Variants in CCDC60 observed in about 807,000 individuals in gnomAD.
CCDC60 encodes the protein coiled-coil domain containing 60, also known as coiled-coil domain-containing protein 60.
CCDC60 carries 54 observed loss-of-function variants against 63.5 expected under a neutral mutation model. The ratio of observed to expected loss-of-function variants is 0.85; its 90% CI spans 0.68 to 1.07. The LOEUF is 1.07. Ranked by LOEUF, CCDC60 falls within the 50% of genes least tolerant of loss-of-function variation. The probability of loss-of-function intolerance (pLI) is 0.00; values close to 1 mark genes in which losing one functional copy is unlikely to be tolerated. For missense variants in CCDC60, 651 were observed against 684.3 expected, an observed-to-expected ratio of 0.95 and a Z score of 0.54; for synonymous variants, 206 against 238.8, an observed-to-expected ratio of 0.86 and a Z score of 1.27.
intron 2 of CCDC60, among the ~76,000 whole-genome samples, chr12:119,467,995 C>A (rs1453498931): frequency 6.6e-6 from 1 of 152,038 alleles, no homozygotes; most frequent in African/African-American, 2.4e-5. Flanking sequence ...AGCCAGGCAG[C>A]CAGGCACGGT....
At chr12:119,466,661 C>T (rs537145888) in intron 2 of CCDC60, among the ~76,000 whole-genome samples, 18 of 152,320 alleles carry the variant, frequency 1.2e-4, no homozygotes, top group African/African-American at 4.3e-4. Flanking sequence ...AATGTGGAAC[C>T]ACTACCTCAC....
intron 3 of CCDC60, among the ~76,000 whole-genome samples, chr12:119,478,506 C>T (rs541315423): frequency 6.6e-6 from 1 of 151,750 alleles, no homozygotes; most frequent in African/African-American, 2.4e-5. Context: ...TTGAAGCAAA[C>T]ATTTCCAACC....
intron 2 of CCDC60, among the ~76,000 whole-genome samples, chr12:119,449,980 T>C (rs1215696215): frequency 6.6e-6 from 1 of 152,192 alleles, no homozygotes; most frequent in East Asian, 1.9e-4. Flanking sequence ...CCTTCACTCA[T>C]ATGTTTATTG....
intron 1 of CCDC60, among the ~76,000 whole-genome samples, chr12:119,402,676 G>T (rs756403248): frequency 3.3e-5 from 5 of 152,172 alleles, no homozygotes; most frequent in Non-Finnish European, 5.9e-5. Context: ...GTAGGTAAAT[G>T]GCAGCTGTTT....
At chr12:119,458,435 T>G (rs1950788504) in intron 2 of CCDC60, among the ~76,000 whole-genome samples, 1 of 152,164 alleles carries the variant, frequency 6.6e-6, no homozygotes, top group Admixed American at 6.5e-5. Flanking sequence ...ATTTTTATTT[T>G]TATTTTTTTT....
intron 1 of CCDC60, among the ~76,000 whole-genome samples, chr12:119,366,644 C>T (rs1955843200): frequency 6.6e-6 from 1 of 152,116 alleles, no homozygotes; most frequent in Non-Finnish European, 1.5e-5. Context: ...TCTTAACATG[C>T]TTAGATGGCA....
intron 1 of CCDC60, among the ~76,000 whole-genome samples, chr12:119,343,660 C>CTATATATATATATA (rs60934414): frequency 1.4e-5 from 2 of 141,118 alleles, no homozygotes; most frequent in Admixed American, 7.1e-5. Flanking sequence ...GAAAGGCAAA[C>CTATATATATATATA]TATATATATA....
intron 1 of CCDC60, among the ~76,000 whole-genome samples, chr12:119,413,110 A>C (rs1452573367): frequency 1.3e-5 from 2 of 152,194 alleles, no homozygotes; most frequent in Non-Finnish European, 2.9e-5. Context: ...ATTAGCTCCC[A>C]GGGTCTGACA....
chr12:119,515,068 T>C (rs1007256236), intron 7 of CCDC60, among the ~76,000 whole-genome samples: 20 of 152,178 alleles, frequency 1.3e-4, no homozygotes, highest in African/African-American at 4.6e-4. Flanking sequence ...AGCTATGCCA[T>C]CTAGGTTTGT....
chr12:119,479,272 C>A, intron 4 of CCDC60, 71 bp downstream of exon 4: 1 of 1,062,890 alleles, frequency 9.4e-7, no homozygotes, highest in Non-Finnish European at 1.4e-6. Context: ...AATGACTCAA[C>A]GAGCTGTCAT....
chr12:119,482,145 C>T (rs531974514), intron 4 of CCDC60, among the ~76,000 whole-genome samples: 317 of 139,446 alleles, frequency 2.3e-3, no homozygotes, highest in African/African-American at 7.3e-3. Flanking sequence ...CATATATATA[C>T]ACACACACAC....
In CCDC60 at chr12:119,519,453, A is replaced by G. The variant is rs28576109; in HGVS notation, c.969-668A>G. ...TGTGTGTGCGCGTGTGTGTGTGTGTATATATATATATATATTTTTTTTTTT... is the reference window on the plus strand; with the variant it reads ...TGTGTGTGCGCGTGTGTGTGTGTGTGTATATATATATATATTTTTTTTTTT... On this transcript the variant is annotated intron_variant, in intron 8 of 13. Transcript: ENST00000327554. Among the ~76,000 whole-genome samples the G allele has an allele frequency of 4.1e-4, 48 of 117,712 alleles. 2 individuals carry two copies. Among genetic ancestry groups the G allele is most frequent in the Admixed American group, 8.2e-4 (10 of 12,154 alleles). The allele number at this position is 117,712 out of a possible 152,430, so 77.2% of individuals were successfully genotyped here.
chr12:119,476,889 T>A (rs1182325175), intron 3 of CCDC60, among the ~76,000 whole-genome samples: 1 of 152,234 alleles, frequency 6.6e-6, no homozygotes, highest in Non-Finnish European at 1.5e-5. Context: ...ATTTACCCAG[T>A]TAATTTCCAT....
Position 119,540,612 on chromosome 12 carries a change from A to C in CCDC60, c.1552-2A>C, listed in dbSNP as rs761389972. The C allele has an allele frequency of 1.2e-6, 2 of 1,611,628 alleles. No individual in the cohort carries two copies. The highest frequency in any genetic ancestry group is 2.2e-5 in the South Asian group (2 of 90,984). On this transcript the variant is annotated splice_acceptor_variant, in intron 13 of 13. Coordinates refer to ENST00000327554, the MANE Select transcript of CCDC60 (RefSeq NM_178499.5). LOFTEE classifies it high-confidence loss of function. The stretch of plus-strand genomic sequence containing the variant: ...GAGATTGCCACTATGTCTGCCTCAC[A>C]GTTTGTGCGAGAACACATCATCCAT...
At chr12:119,485,302 T>C (rs1383130607) in intron 4 of CCDC60, among the ~76,000 whole-genome samples, 1 of 152,150 alleles carries the variant, frequency 6.6e-6, no homozygotes, top group Non-Finnish European at 1.5e-5. Context: ...TGAGCTTGAG[T>C]GACTGAGTGG....
At chr12:119,353,165 T>A (rs978542048) in intron 1 of CCDC60, among the ~76,000 whole-genome samples, 19 of 151,840 alleles carry the variant, frequency 1.3e-4, no homozygotes, top group Non-Finnish European at 1.3e-4. Flanking sequence ...CTTTTTTTTT[T>A]ATATAAGAAC....
In CCDC60 at chr12:119,495,675, C is replaced by T. The variant is rs547277743; in HGVS notation, c.558-4403C>T. ...TTGTTTATATTTAAATTAGTTTTCC[C>T]TTATCTTGTGGTACTCCTCCCCCCA... On this transcript the variant is annotated intron_variant, in intron 5 of 13. Transcript: ENST00000327554. Among the ~76,000 whole-genome samples, 8 of 152,178 alleles carry T rather than the reference C, an allele frequency of 5.3e-5. No individual in the cohort carries two copies. The South Asian group carries it at 1.7e-3, about 32-fold the overall frequency.
At chr12:119,427,035 C>A (rs1279071768) in intron 1 of CCDC60, among the ~76,000 whole-genome samples, 1 of 152,188 alleles carries the variant, frequency 6.6e-6, no homozygotes, top group African/African-American at 2.4e-5. Flanking sequence ...CCTGTTCTCA[C>A]CCTGCCTTCA....
At chr12:119,507,989 G>T (rs896672121) in intron 7 of CCDC60, among the ~76,000 whole-genome samples, 5 of 151,952 alleles carry the variant, frequency 3.3e-5, no homozygotes, top group African/African-American at 1.2e-4. Flanking sequence ...GCAAAATAGT[G>T]AGACCCCATC....
Sources: allele counts gnomAD v4.1 joint callset (sites outside exome capture counted in the v4.1 genomes callset), GRCh38; gene constraint gnomAD v4.1.1; transcripts MANE v1.5; gene names NCBI Gene and HGNC (gene_info 2026-07-23, HGNC 2026-07-21).